The following PLCB4 variants were observed in gnomAD, a reference collection of about 807,000 sequenced individuals.
PLCB4 encodes phospholipase C beta 4, also known as 1-phosphatidylinositol 4,5-bisphosphate phosphodiesterase beta-4.
A neutral mutation model predicts 178.8 loss-of-function variants in PLCB4; 77 were observed. That is an observed-to-expected ratio of 0.43 (90% CI 0.36 to 0.52). The LOEUF (loss-of-function observed/expected upper bound fraction) is 0.52. PLCB4 is among the 20% of genes least tolerant of loss of function. The pLI, the probability that PLCB4 is intolerant of heterozygous loss-of-function variation, is 0.00. For synonymous variants in PLCB4, 496 were observed against 490.8 expected (o/e 1.01, Z -0.14); for missense variants, 1,024 against 1,453.4 (o/e 0.70, Z 4.80).
At position 9,294,181 on chromosome 20, in the gene PLCB4, G is replaced by C. The variant is rs1023395440; in HGVS notation, c.-15-13619G>C. 2.0e-5 allele frequency among the ~76,000 whole-genome samples: 3 copies of C among 152,086 alleles called. No individual in the cohort carries two copies. In the East Asian group the frequency reaches 5.8e-4, roughly 29 times the overall value. ...CTTAGGAGAAATATTAGCATTCATA[G>C]CTTGTAGTTAACAGGGAGCATAAAG... On this transcript the variant is annotated intron_variant, in intron 3 of 39. Coordinates refer to ENST00000378473, the MANE Select transcript of PLCB4 (RefSeq NM_001377142.1).
chr20:9,476,807 G>T, intron 39 of PLCB4, 54 bp downstream of exon 39: 1 of 1,193,342 alleles, frequency 8.4e-7, no homozygotes, highest in Non-Finnish European at 1.3e-6. Context: ...GACTACGTCC[G>T]TATTCTCTGT....
At chr20:9,193,331 C>T (rs2093429418) in intron 2 of PLCB4, among the ~76,000 whole-genome samples, 1 of 152,174 alleles carries the variant, frequency 6.6e-6, no homozygotes. Context: ...AGGGCCTAAT[C>T]CACTGAGGAC....
intron 2 of PLCB4, among the ~76,000 whole-genome samples, chr20:9,139,147 G>A (rs537410081): frequency 6.6e-6 from 1 of 152,234 alleles, no homozygotes; most frequent in Admixed American, 6.5e-5. Flanking sequence ...ATGTCTTCTT[G>A]TCTATCTGTT....
intron 33 of PLCB4, 49 bp downstream of exon 33, chr20:9,453,511 G>A (rs778244782): frequency 6.9e-6 from 8 of 1,152,910 alleles, no homozygotes; most frequent in African/African-American, 1.5e-5. Context: ...TTTATATTTT[G>A]TCTTTTCCCA....
chr20:9,373,908 A>G (rs1254673748), intron 12 of PLCB4, among the ~76,000 whole-genome samples: 2 of 152,214 alleles, frequency 1.3e-5, no homozygotes, highest in South Asian at 4.1e-4. Flanking sequence ...TGGAAAATTC[A>G]CTTTTTTTTC....
chr20:9,102,026 G>A (rs571224261), intron 2 of PLCB4, among the ~76,000 whole-genome samples: 2 of 152,068 alleles, frequency 1.3e-5, no homozygotes, highest in African/African-American at 4.8e-5. Flanking sequence ...TGTATTTTTA[G>A]TAGAGACAGG....
At position 9,389,761 on chromosome 20, in the gene PLCB4, A is replaced by C. The variant is rs938934229; in HGVS notation, c.1159-118A>C. Reference sequence around the variant, plus strand: ...AGGTGTCAAGGTAGATGGGGGCTCCAGGTCTGAATTGCTGGAATTGACTTT... The same window carrying C: ...AGGTGTCAAGGTAGATGGGGGCTCCCGGTCTGAATTGCTGGAATTGACTTT... On this transcript the variant is annotated intron_variant, in intron 15 of 39. Coordinates refer to ENST00000378473, the MANE Select transcript of PLCB4 (RefSeq NM_001377142.1). 1.6e-5 allele frequency: 10 copies of C among 608,366 alleles called. No homozygotes were observed. In the African/African-American group the frequency reaches 1.8e-4, roughly 11 times the overall value. The allele number at this position is 608,366 out of a possible 1,614,324, so 37.7% of individuals were successfully genotyped here. A position where few individuals can be genotyped will look rare whatever the true frequency, so the allele number is the denominator to read the frequency against.
intron 3 of PLCB4, among the ~76,000 whole-genome samples, chr20:9,299,748 G>A (rs1486789248): frequency 1.3e-5 from 2 of 151,798 alleles, no homozygotes; most frequent in Non-Finnish European, 2.9e-5. Context: ...ACCATAAACA[G>A]CACAACAGTA....
chr20:9,433,754 A>C (rs1416132267), intron 28 of PLCB4, among the ~76,000 whole-genome samples: 2 of 152,222 alleles, frequency 1.3e-5, no homozygotes, highest in Non-Finnish European at 2.9e-5. Flanking sequence ...ACTTGCCAAA[A>C]ATAATTGTCT....
At chr20:9,476,819 C>A in intron 39 of PLCB4, 66 bp downstream of exon 39, 1 of 1,077,028 alleles carries the variant, frequency 9.3e-7, no homozygotes, top group Non-Finnish European at 1.4e-6. Context: ...ATTCTCTGTG[C>A]AGTCTCCATT....
chr20:9,478,430 C>T (rs1394203419), intron 39 of PLCB4, among the ~76,000 whole-genome samples: 24 of 152,188 alleles, frequency 1.6e-4, no homozygotes, highest in Admixed American at 1.6e-3. Flanking sequence ...ACTTCTCTAT[C>T]AATTAGATTT....
At chr20:9,293,938 C>CG (rs931822317) in intron 3 of PLCB4, among the ~76,000 whole-genome samples, 2 of 151,772 alleles carry the variant, frequency 1.3e-5, no homozygotes, top group East Asian at 1.9e-4. Context: ...TGCTCAGTAC[C>CG]GGGGGGCAAG....
At chr20:9,151,719 C>G (rs2092695202) in intron 2 of PLCB4, among the ~76,000 whole-genome samples, 1 of 151,928 alleles carries the variant, frequency 6.6e-6, no homozygotes, top group East Asian at 1.9e-4. Context: ...TAAATTGGTA[C>G]CAGTAGAGTG....
chr20:9,184,647 A>T (rs2147106870), intron 2 of PLCB4, among the ~76,000 whole-genome samples: 1 of 150,122 alleles, frequency 6.7e-6, no homozygotes, highest in Non-Finnish European at 1.5e-5. Flanking sequence ...ATTAGGAGGC[A>T]ATTTTTTTTT....
At chr20:9,375,636 ATTTCAAGTT>A (rs1339226839) in intron 12 of PLCB4, among the ~76,000 whole-genome samples, 1 of 152,160 alleles carries the variant, frequency 6.6e-6, no homozygotes, top group East Asian at 1.9e-4. Context: ...ACTTGAAAAT[ATTTCAAGTT>A]TTTCCACTCC....
chr20:9,285,219 C>T (rs1451555158), intron 3 of PLCB4, among the ~76,000 whole-genome samples: 1 of 151,298 alleles, frequency 6.6e-6, no homozygotes, highest in Non-Finnish European at 1.5e-5. Flanking sequence ...TAATTATAGT[C>T]AGTTTATAAT....
At chr20:9,356,373 A>T (rs529181538) in intron 7 of PLCB4, among the ~76,000 whole-genome samples, 1 of 152,350 alleles carries the variant, frequency 6.6e-6, no homozygotes, top group South Asian at 2.1e-4. Flanking sequence ...ATTTATCTAC[A>T]GTCCCTATTT....
rs776526724 is a variant in PLCB4, at chr20:9,436,998, C to T, written c.2614-4C>T. The T allele has an allele frequency of 6.2e-7, 1 of 1,613,622 alleles. No homozygotes were observed. Among genetic ancestry groups the T allele is most frequent in the South Asian group, 1.1e-5 (1 of 91,034 alleles). On this transcript the variant is annotated splice_region_variant and splice_polypyrimidine_tract_variant and intron_variant, in intron 29 of 39. Transcript: ENST00000378473. ...TTGGGTCAATGTAAATGTTTCTGTT[C>T]CAGAGTGACATAGCCGACGTGCCCA...
At chr20:9,224,412 A>G (rs1433603145) in intron 3 of PLCB4, among the ~76,000 whole-genome samples, 1 of 152,082 alleles carries the variant, frequency 6.6e-6, no homozygotes, top group Non-Finnish European at 1.5e-5. Context: ...TTTATTTTTC[A>G]TTATCTTCCT....
Sources: allele counts gnomAD v4.1 joint callset (sites outside exome capture counted in the v4.1 genomes callset), GRCh38; gene constraint gnomAD v4.1.1; transcripts MANE v1.5; gene names NCBI Gene and HGNC (gene_info 2026-07-23, HGNC 2026-07-21).